P4HB: variants seen among roughly 807,000 people sequenced by gnomAD.
P4HB encodes protein disulfide-isomerase.
P4HB carries 20 observed loss-of-function variants against 52.6 expected under a neutral mutation model. That is an observed-to-expected ratio of 0.38 (90% confidence interval 0.27 to 0.55). The LOEUF is 0.55. Among genes scored for constraint, P4HB ranks in the 20% least tolerant of loss-of-function variants. The probability of loss-of-function intolerance (pLI) is 0.74; values close to 1 mark genes in which losing one functional copy is unlikely to be tolerated. For synonymous variants in P4HB, 296 were observed against 277.9 expected (o/e 1.07, Z -0.65); for missense variants, 601 against 669.2 (o/e 0.90, Z 1.12).
Position 81,859,245 on chromosome 17 carries a change from C to A in P4HB, c.288G>T (p.Val96=). The A allele has an allele frequency of 1.2e-6, 2 of 1,614,064 alleles. No individual in the cohort carries two copies. The highest frequency in any genetic ancestry group is 2.7e-5 in the African/African-American group (2 of 75,056). ...AGAACTTGATGGTGGGATAGCCGCG[C>A]ACGCCGTACTGCTGGGCCAGGTCAG... ...EESDLAQQYG[V]RGYPTIKFFR... is the part of the protein sequence containing the mutation. The change falls in exon 2 of 11, where the codon GTG becomes GTT. Residue 96 remains valine (V), a synonymous_variant. Transcript: ENST00000331483.
At chr17:81,849,831 T>C (rs2038800149) in intron 4 of P4HB, among the ~76,000 whole-genome samples, 1 of 146,574 alleles carries the variant, frequency 6.8e-6, no homozygotes, top group Admixed American at 7.6e-5. Context: ...AATTTATTTA[T>C]TTTTTTATTT....
intron 4 of P4HB, among the ~76,000 whole-genome samples, chr17:81,851,318 T>G (rs1053994129): frequency 2.0e-5 from 3 of 152,224 alleles, no homozygotes; most frequent in Non-Finnish European, 2.9e-5. Flanking sequence ...CAGAGTAACT[T>G]AGAGACCAGG....
intron 2 of P4HB, among the ~76,000 whole-genome samples, chr17:81,856,911 G>A (rs180814852): frequency 0.011 from 1,700 of 152,154 alleles, 29 homozygotes; most frequent in African/African-American, 0.04. Flanking sequence ...GCCTCCCAAA[G>A]TGCTGGGATT....
chr17:81,849,551 T>C (rs568660706), intron 4 of P4HB, among the ~76,000 whole-genome samples: 2 of 152,156 alleles, frequency 1.3e-5, no homozygotes, highest in African/African-American at 2.4e-5. Context: ...ACATTCTTAG[T>C]TCTAGTTTCT....
At chr17:81,851,533 A>G (rs1256969928) in intron 4 of P4HB, among the ~76,000 whole-genome samples, 1 of 152,186 alleles carries the variant, frequency 6.6e-6, no homozygotes, top group East Asian at 1.9e-4. Context: ...AGGCCCTTGG[A>G]GGGAATCCTT....
rs1048698911 is a variant in P4HB at position 81,859,689 on chromosome 17, A to C, written c.146-302T>G. 5 of 439,126 alleles carry C rather than the reference A, an allele frequency of 1.1e-5. No homozygotes were observed. The South Asian group carries it at 1.2e-4, about 10-fold the overall frequency. The allele number at this position is 439,126 out of a possible 1,614,324, so 27.2% of individuals were successfully genotyped here. ...GCTGACTTCTTATTCCCCACAGGCAACTAAGGCAAGGATCTCCCCTAGACT... is the reference window on the plus strand; with the variant it reads ...GCTGACTTCTTATTCCCCACAGGCACCTAAGGCAAGGATCTCCCCTAGACT... On this transcript the variant is annotated intron_variant, in intron 1 of 10. Transcript: ENST00000331483.
intron 10 of P4HB, 37 bp from the exon 11 acceptor site, chr17:81,844,129 GCTGCAA>G: frequency 7.1e-7 from 1 of 1,411,946 alleles, no homozygotes; most frequent in Non-Finnish European, 1.0e-6. Context: ...GGGCAGGTTG[GCTGCAA>G]CAGCTGAGGC....
At position 81,859,371 on chromosome 17, in the gene P4HB, G is replaced by GC; in HGVS notation, c.161dup (p.His55ProfsTer8). 2 of 1,613,678 alleles carry GC rather than the reference G, an allele frequency of 1.2e-6. No homozygotes were observed. On this transcript the variant is annotated frameshift_variant, in exon 2 of 11. Coordinates refer to ENST00000331483, the MANE Select transcript of P4HB (RefSeq NM_000918.4). LOFTEE classifies it high-confidence loss of function. ...ACTCAGGGGCCAGAGCCTTGCAGTG[G>GC]CCACACCAAGGGGCATCTGGAAGCG...
chr17:81,845,082 A>G (rs2038712104), intron 10 of P4HB, 62 bp downstream of exon 10: 1 of 1,300,372 alleles, frequency 7.7e-7, no homozygotes, highest in East Asian at 2.4e-5. Flanking sequence ...CCAAGTGGGC[A>G]TGTCCCGTGG....
intron 2 of P4HB, chr17:81,858,755 A>G (rs1001145475): frequency 1.0e-5 from 2 of 197,452 alleles, no homozygotes; most frequent in Admixed American, 5.5e-5. Flanking sequence ...AGAGGATGCG[A>G]GGAGAAATCA....
chr17:81,850,438 A>G (rs1164447830), intron 4 of P4HB, among the ~76,000 whole-genome samples: 3 of 151,688 alleles, frequency 2.0e-5, no homozygotes, highest in Admixed American at 2.0e-4. Context: ...ACCTGGACAG[A>G]ACTACTTTTT....
intron 4 of P4HB, among the ~76,000 whole-genome samples, chr17:81,852,801 G>C (rs2038852748): frequency 6.6e-6 from 1 of 152,242 alleles, no homozygotes; most frequent in Non-Finnish European, 1.5e-5. Flanking sequence ...ACTGTCCATA[G>C]AGTCACAGCG....
In P4HB at chr17:81,846,690, G is replaced by A; in HGVS notation, c.856-61C>T. 2 of 1,523,116 alleles carry A rather than the reference G, an allele frequency of 1.3e-6. No homozygotes were observed. The highest frequency in any genetic ancestry group is 1.8e-6 in the Non-Finnish European group (2 of 1,107,500). 94.4% of individuals were successfully genotyped at this position (1,523,116 alleles called of 1,614,324 possible). ...ACGGCTGGCCTCTGCCTCCAGCCCT[G>A]ACTTTGCTCGGAAGCAGACCGTGCT... On this transcript the variant is annotated intron_variant, in intron 6 of 10. Transcript: ENST00000331483. The surrounding 1 kb of genome is among the most constrained non-coding windows in gnomAD (Gnocchi z 5.7).
intron 4 of P4HB, among the ~76,000 whole-genome samples, chr17:81,850,442 A>G (rs2038811556): frequency 6.6e-6 from 1 of 151,868 alleles, no homozygotes; most frequent in South Asian, 2.1e-4. Flanking sequence ...GGACAGAACT[A>G]CTTTTTAAAA....
chr17:81,848,151 C>T (rs1012036792), intron 4 of P4HB, among the ~76,000 whole-genome samples: 1 of 152,188 alleles, frequency 6.6e-6, no homozygotes, highest in Non-Finnish European at 1.5e-5. Flanking sequence ...CTGCCCGCCT[C>T]GGCCTCCCAA....
intron 2 of P4HB, 150 bp downstream of exon 2, chr17:81,859,031 A>G: frequency 1.5e-6 from 1 of 661,300 alleles, no homozygotes; most frequent in Non-Finnish European, 2.7e-6. Context: ...CTCAGGGCAC[A>G]AGTGGACAGA....
intron 5 of P4HB, 24 bp downstream of exon 5, chr17:81,847,219 C>G (rs773154428): frequency 1.9e-6 from 3 of 1,610,800 alleles, no homozygotes; most frequent in Non-Finnish European, 2.5e-6. Flanking sequence ...CATCCCCAGC[C>G]TGGGGGCTGC....
In P4HB at chr17:81,860,283, T is replaced by C. The variant is rs35766162; in HGVS notation, c.145+44A>G. 0.19 allele frequency: 252,647 copies of C among 1,364,350 alleles called. 24,251 individuals are homozygous for C. Among genetic ancestry groups the C allele is most frequent in the Admixed American group, 0.21 (6,392 of 29,922 alleles). The allele number at this position is 1,364,350 out of a possible 1,614,324, so 84.5% of individuals were successfully genotyped here. On this transcript the variant is annotated intron_variant, in intron 1 of 10. Transcript: ENST00000331483. The stretch of plus-strand genomic sequence containing the variant: ...CGTGCCTGCGTCCCAAGAGCCTGGC[T>C]CAGCGGCCCCGAGCCCCGCCCGCCC...
intron 4 of P4HB, among the ~76,000 whole-genome samples, chr17:81,849,671 T>TG: frequency 6.6e-6 from 1 of 152,166 alleles, no homozygotes; most frequent in Non-Finnish European, 1.5e-5. Context: ...GGAGAGGCTG[T>TG]GGCGCCCCAA....
Sources: allele counts gnomAD v4.1 joint callset (sites outside exome capture counted in the v4.1 genomes callset), GRCh38; gene constraint gnomAD v4.1.1; non-coding constraint Gnocchi (gnomAD v3.1); transcripts MANE v1.5; gene names NCBI Gene and HGNC (gene_info 2026-07-23, HGNC 2026-07-21).